Variants in DAGLB observed in about 807,000 individuals in gnomAD.
The protein encoded by DAGLB is diacylglycerol lipase beta, also known as diacylglycerol lipase-beta.
DAGLB carries 66 observed loss-of-function variants against 72.1 expected under a neutral mutation model. The ratio of observed to expected loss-of-function variants is 0.92; its 90% CI spans 0.75 to 1.12. The LOEUF (loss-of-function observed/expected upper bound fraction) is 1.12, where lower values mean the gene tolerates loss of function less well. DAGLB is among the 50% of genes most tolerant of loss of function. The pLI, the probability that DAGLB is intolerant of heterozygous loss-of-function variation, is 0.00. For synonymous variants in DAGLB, 414 were observed against 359.5 expected (o/e 1.15, Z -1.71); for missense variants, 1,065 against 884.9 (o/e 1.20, Z -2.58).
intron 8 of DAGLB, among the ~76,000 whole-genome samples, chr7:6,424,426 C>CG (rs1173563953): frequency 2.0e-5 from 3 of 152,100 alleles, no homozygotes; most frequent in Non-Finnish European, 4.4e-5. Flanking sequence ...AGAAATTCCC[C>CG]GGGAGGGCTC....
intron 13 of DAGLB, among the ~76,000 whole-genome samples, chr7:6,411,039 C>T (rs933215857): frequency 6.6e-6 from 1 of 152,060 alleles, no homozygotes; most frequent in South Asian, 2.1e-4. Flanking sequence ...CACCCGCCAC[C>T]GCACCCGGCT....
intron 8 of DAGLB, among the ~76,000 whole-genome samples, chr7:6,423,928 C>G (rs886926096): frequency 6.6e-6 from 1 of 152,104 alleles, no homozygotes; most frequent in Non-Finnish European, 1.5e-5. Flanking sequence ...ACAGGGCGCC[C>G]CCCGGGAGGA....
At chr7:6,429,841 G>A (rs1268939849) in intron 6 of DAGLB, among the ~76,000 whole-genome samples, 3 of 152,028 alleles carry the variant, frequency 2.0e-5, no homozygotes, top group African/African-American at 4.8e-5. Flanking sequence ...TCAGGAGATC[G>A]AGACCATCCT....
intron 11 of DAGLB, among the ~76,000 whole-genome samples, chr7:6,414,335 C>T (rs1416089725): frequency 6.3e-5 from 9 of 141,964 alleles, no homozygotes; most frequent in Non-Finnish European, 1.2e-4. Context: ...TCTTTTGAGA[C>T]GGAGTGTAGC....
chr7:6,410,669 T>C (rs1320558504), intron 13 of DAGLB, among the ~76,000 whole-genome samples: 1 of 152,162 alleles, frequency 6.6e-6, no homozygotes. Context: ...CTGTGAGGGA[T>C]ATTTCCCTTA....
At chr7:6,425,462 G>A (rs1391881850) in intron 7 of DAGLB, among the ~76,000 whole-genome samples, 2 of 152,114 alleles carry the variant, frequency 1.3e-5, no homozygotes, top group Non-Finnish European at 2.9e-5. Context: ...AGTAGAGATG[G>A]GGTTTCACCA....
intron 2 of DAGLB, among the ~76,000 whole-genome samples, chr7:6,440,974 G>A (rs930904325): frequency 1.3e-5 from 2 of 150,932 alleles, no homozygotes; most frequent in Non-Finnish European, 3.0e-5. Context: ...TTTTTTTTGA[G>A]GGGGGGACGG....
chr7:6,423,000 G>A (rs547627764), intron 8 of DAGLB, among the ~76,000 whole-genome samples: 1 of 152,368 alleles, frequency 6.6e-6, no homozygotes, highest in South Asian at 2.1e-4. Flanking sequence ...TTGGTGGACA[G>A]GACAATGGAC....
chr7:6,415,898 GCATTATGCA>G (rs1195868733), intron 11 of DAGLB, among the ~76,000 whole-genome samples: 1 of 151,796 alleles, frequency 6.6e-6, no homozygotes, highest in Non-Finnish European at 1.5e-5. Context: ...TTAAACATGT[GCATTATGCA>G]TGTGTCCCCA....
chr7:6,419,603 T>C (rs1230472810), intron 9 of DAGLB, among the ~76,000 whole-genome samples: 1 of 152,228 alleles, frequency 6.6e-6, no homozygotes, highest in African/African-American at 2.4e-5. Flanking sequence ...AGCGGCAGCC[T>C]TCCCGACCCA....
intron 4 of DAGLB, 79 bp from the exon 5 acceptor site, chr7:6,433,038 A>G: frequency 6.5e-7 from 1 of 1,542,628 alleles, no homozygotes; most frequent in Non-Finnish European, 8.7e-7. Context: ...AGTCTTCTAT[A>G]GTTGATAGGC....
intron 6 of DAGLB, among the ~76,000 whole-genome samples, chr7:6,427,315 G>A (rs539338596): frequency 6.6e-6 from 1 of 152,158 alleles, no homozygotes; most frequent in African/African-American, 2.4e-5. Context: ...CAGACATGAT[G>A]TGGAGAAGCA....
At chr7:6,417,648 G>C (rs920515261) in intron 9 of DAGLB, 2 of 152,018 alleles carry the variant, frequency 1.3e-5, no homozygotes, top group Non-Finnish European at 2.9e-5. Flanking sequence ...GGAGGCTGAG[G>C]CAGGAGGATC....
chr7:6,416,863 C>G lies in DAGLB; in HGVS notation c.1277G>C (p.Ser426Thr). The G allele has an allele frequency of 6.2e-7, 1 of 1,614,238 alleles. No individual in the cohort carries two copies. Among genetic ancestry groups the G allele is most frequent in the South Asian group, 1.1e-5 (1 of 91,090 alleles). ...YQRLINDGIL[S>T]QAFSIAPEYR... ...CACAGGAGCAATGCTGAAGGCTTGGCTCAAAATCCCGTCGTTGATGAGTCG... is the reference window on the plus strand; with the variant it reads ...CACAGGAGCAATGCTGAAGGCTTGGGTCAAAATCCCGTCGTTGATGAGTCG... Residue 426 changes from serine to threonine, a missense_variant, in exon 10 of 15, where the codon AGC becomes ACC. By Grantham distance (58) the Ser-to-Thr change is moderately conservative. Transcript: ENST00000297056.
chr7:6,410,785 C>T (rs1470199145), intron 13 of DAGLB, among the ~76,000 whole-genome samples: 1 of 152,044 alleles, frequency 6.6e-6, no homozygotes, highest in Non-Finnish European at 1.5e-5. Context: ...CTTGGCTCCA[C>T]AATCTGCCTC....
chr7:6,413,722 C>G (rs939725060), intron 11 of DAGLB, among the ~76,000 whole-genome samples: 1 of 152,178 alleles, frequency 6.6e-6, no homozygotes, highest in African/African-American at 2.4e-5. Context: ...CCGGCAGAGG[C>G]TGGAGCCTCC....
intron 6 of DAGLB, among the ~76,000 whole-genome samples, chr7:6,427,272 C>G (rs989262809): frequency 6.6e-6 from 1 of 152,120 alleles, no homozygotes; most frequent in Non-Finnish European, 1.5e-5. Context: ...GGGTAACTCA[C>G]GCTGATGTTG....
At chr7:6,432,031 C>G (rs1784501322) in intron 5 of DAGLB, among the ~76,000 whole-genome samples, 1 of 151,910 alleles carries the variant, frequency 6.6e-6, no homozygotes, top group South Asian at 2.1e-4. Flanking sequence ...GCTCATGTAC[C>G]CCTGAACCTA....
At chr7:6,421,952 A>C in intron 8 of DAGLB, 148 bp from the exon 9 acceptor site, 1 of 881,806 alleles carries the variant, frequency 1.1e-6, no homozygotes, top group Non-Finnish European at 1.8e-6. Flanking sequence ...ACCCTAAACT[A>C]AAGAGGGAAA....
Sources: allele counts gnomAD v4.1 joint callset (sites outside exome capture counted in the v4.1 genomes callset), GRCh38; gene constraint gnomAD v4.1.1; transcripts MANE v1.5; gene names NCBI Gene and HGNC (gene_info 2026-07-23, HGNC 2026-07-21).